The following CDC42BPA variants were observed in gnomAD, a reference collection of about 807,000 sequenced individuals.
The protein encoded by CDC42BPA is CDC42 binding protein kinase alpha.
CDC42BPA carries 80 observed loss-of-function variants against 223.5 expected under a neutral mutation model. That is an observed-to-expected ratio of 0.36 (90% CI 0.30 to 0.43). CDC42BPA has a LOEUF of 0.43. Among genes scored for constraint, CDC42BPA ranks in the 20% least tolerant of loss-of-function variants. CDC42BPA has a pLI of 1.00. For missense variants in CDC42BPA, 1,743 were observed against 2,099.9 expected (o/e 0.83, Z 3.32); for synonymous variants, 694 against 718.6 (o/e 0.97, Z 0.55).
intron 5 of CDC42BPA, among the ~76,000 whole-genome samples, chr1:227,193,442 T>C (rs1451290594): frequency 6.6e-6 from 1 of 151,982 alleles, no homozygotes; most frequent in Non-Finnish European, 1.5e-5. Context: ...AGTTATGCAA[T>C]ATAGTGTACC....
At chr1:227,282,854 G>A (rs1477082549) in intron 1 of CDC42BPA, among the ~76,000 whole-genome samples, 10 of 152,184 alleles carry the variant, frequency 6.6e-5, no homozygotes, top group Non-Finnish European at 1.5e-4. Context: ...TGGGAGTAAA[G>A]TCATTTTTAA....
intron 15 of CDC42BPA, among the ~76,000 whole-genome samples, chr1:227,093,392 G>A (rs1376684367): frequency 6.6e-6 from 1 of 152,162 alleles, no homozygotes; most frequent in Non-Finnish European, 1.5e-5. Context: ...TGAGATGTGA[G>A]AAAGAAAAGA....
chr1:227,029,228 A>G lies in CDC42BPA; in HGVS notation c.3861T>C (p.Asn1287=), dbSNP rs774467431. 21 of 1,583,528 alleles carry G rather than the reference A, an allele frequency of 1.3e-5. No individual in the cohort carries two copies. The East Asian group carries it at 4.7e-4, about 36-fold the overall frequency. The change falls in exon 30 of 37, where the codon AAT becomes AAC. Residue 1287 remains asparagine, a synonymous_variant. Coordinates refer to ENST00000366766, the MANE Select transcript of CDC42BPA (RefSeq NM_001394014.1). ...TGAGTTCAATCTGATGAATCTTCTT[A>G]TTGTCACCAACTCTAATAATTTCTA... ...TKDEIIRVGD[N]KKIHQIELIP...
intron 15 of CDC42BPA, among the ~76,000 whole-genome samples, chr1:227,098,011 T>C (rs920172336): frequency 1.1e-4 from 17 of 152,222 alleles, no homozygotes; most frequent in African/African-American, 4.1e-4. Context: ...TAAAGCTTTT[T>C]AACAAACTTT....
chr1:227,236,239 T>C (rs1024700537), intron 2 of CDC42BPA, among the ~76,000 whole-genome samples: 4 of 152,204 alleles, frequency 2.6e-5, no homozygotes, highest in African/African-American at 9.6e-5. Context: ...CAGACTGACC[T>C]CTAATCCCTT....
At chr1:227,054,911 G>GT (rs1422254719) in intron 21 of CDC42BPA, among the ~76,000 whole-genome samples, 1 of 151,728 alleles carries the variant, frequency 6.6e-6, no homozygotes, top group African/African-American at 2.4e-5. Flanking sequence ...CAATTTCAGA[G>GT]TTTAAACAAA....
At chr1:227,248,588 C>T (rs2063668) in intron 2 of CDC42BPA, among the ~76,000 whole-genome samples, 46,791 of 151,972 alleles carry the variant, frequency 0.31, 7,365 homozygotes, top group East Asian at 0.37. Context: ...GTGAAAACTA[C>T]AGAACACAAA....
chr1:227,220,994 C>T (rs1212365941), intron 2 of CDC42BPA, among the ~76,000 whole-genome samples: 2 of 152,140 alleles, frequency 1.3e-5, no homozygotes, highest in African/African-American at 2.4e-5. Context: ...TTGCTTTTTC[C>T]ACTTGCTCAT....
intron 21 of CDC42BPA, among the ~76,000 whole-genome samples, chr1:227,064,585 C>T (rs1676590911): frequency 1.3e-5 from 2 of 151,974 alleles, no homozygotes; most frequent in South Asian, 4.2e-4. Context: ...TGCTCCTCAC[C>T]CTGTTTATTA....
At chr1:227,137,128 A>G (rs1658727624) in intron 10 of CDC42BPA, among the ~76,000 whole-genome samples, 1 of 152,170 alleles carries the variant, frequency 6.6e-6, no homozygotes, top group African/African-American at 2.4e-5. Flanking sequence ...AAAGGTTTCT[A>G]CGTTGTTTGT....
intron 2 of CDC42BPA, among the ~76,000 whole-genome samples, chr1:227,216,444 A>G (rs948362465): frequency 6.6e-6 from 1 of 152,232 alleles, no homozygotes; most frequent in African/African-American, 2.4e-5. Context: ...TAACAGTTTC[A>G]TGAGCTACCT....
chr1:227,203,918 T>C (rs1358200125), intron 3 of CDC42BPA, among the ~76,000 whole-genome samples: 1 of 152,314 alleles, frequency 6.6e-6, no homozygotes, highest in East Asian at 1.9e-4. Flanking sequence ...ATCGTATTGA[T>C]AAGATGCACT....
intron 3 of CDC42BPA, among the ~76,000 whole-genome samples, chr1:227,210,148 T>C (rs1406532130): frequency 2.6e-5 from 4 of 152,224 alleles, no homozygotes; most frequent in South Asian, 2.1e-4. Flanking sequence ...TGGTTCCAAG[T>C]CTTTGCTATT....
chr1:227,101,048 A>C lies in CDC42BPA; in HGVS notation c.2193T>G (p.Ala731=), dbSNP rs538118229. 1 of 1,561,604 alleles carries C rather than the reference A, an allele frequency of 6.4e-7. No individual in the cohort carries two copies. Among genetic ancestry groups the C allele is most frequent in the South Asian group, 1.1e-5 (1 of 89,084 alleles). Residue 731 remains alanine, a synonymous_variant, in exon 15 of 37, where the codon GCT becomes GCG. Transcript: ENST00000366766. ...TTAAAATCATAATTTCTTTGTTGAG[A>C]GCAAGTTGCTGACCTTCTGAATCAT... ...ELHDSEGQQL[A]LNKEIMILKD...
intron 21 of CDC42BPA, 129 bp from the exon 22 acceptor site, chr1:227,052,114 T>A (rs373899081): frequency 5.4e-5 from 24 of 447,686 alleles, no homozygotes. Context: ...AAACTTTAGT[T>A]TGAATATTCA....
At chr1:227,086,648 A>G (rs1186264234) in intron 16 of CDC42BPA, among the ~76,000 whole-genome samples, 2 of 151,338 alleles carry the variant, frequency 1.3e-5, no homozygotes, top group African/African-American at 4.9e-5. Context: ...TACCCATTAA[A>G]ACACTGAGTT....
chr1:227,188,984 T>C (rs557895166), intron 5 of CDC42BPA, among the ~76,000 whole-genome samples: 1 of 152,218 alleles, frequency 6.6e-6, no homozygotes, highest in African/African-American at 2.4e-5. Flanking sequence ...AACTCTATAC[T>C]TTCCACTCAA....
intron 2 of CDC42BPA, among the ~76,000 whole-genome samples, chr1:227,250,278 A>C (rs1681740959): frequency 6.6e-6 from 1 of 152,008 alleles, no homozygotes; most frequent in Non-Finnish European, 1.5e-5. Context: ...ACCTGAGGTC[A>C]GGAGTTCGAG....
At chr1:227,065,508 G>C (rs971956631) in intron 21 of CDC42BPA, among the ~76,000 whole-genome samples, 1 of 152,138 alleles carries the variant, frequency 6.6e-6, no homozygotes, top group Non-Finnish European at 1.5e-5. Context: ...ACACATACAA[G>C]TATTGGCCAA....
Sources: gnomAD v4.1 joint callset for allele counts (sites outside exome capture counted in the v4.1 genomes callset) on GRCh38, gnomAD v4.1.1 for gene constraint, MANE v1.5 for transcripts, NCBI Gene and HGNC (gene_info 2026-07-23, HGNC 2026-07-21) for gene names.